Variants in UGT1A9 observed in about 807,000 individuals in gnomAD.
UGT1A9 encodes the protein UDP-glucuronosyltransferase 1A9.
Under a neutral mutation model 45.0 loss-of-function variants are expected in UGT1A9, and 35 were observed. That is an observed-to-expected ratio of 0.78 (90% CI 0.59 to 1.03). The LOEUF (loss-of-function observed/expected upper bound fraction) is 1.03. Among genes scored for constraint, UGT1A9 ranks in the 50% least tolerant of loss-of-function variants. The probability of loss-of-function intolerance (pLI) is 0.00; values close to 1 mark genes in which losing one functional copy is unlikely to be tolerated. For missense variants in UGT1A9, 687 were observed against 666.6 expected (o/e 1.03, Z -0.34); for synonymous variants, 278 against 250.6 (o/e 1.11, Z -1.03).
At chr2:233,729,624 G>A (rs563451648) in intron 1 of UGT1A9, 25 of 1,613,906 alleles carry the variant, frequency 1.5e-5, no homozygotes, top group African/African-American at 6.7e-5. Context: ...AGTACCTGTC[G>A]ATTCCTACTG....
chr2:233,754,448 T>G (rs1695488368), intron 1 of UGT1A9: 3 of 350,316 alleles, frequency 8.6e-6, no homozygotes, highest in Non-Finnish European at 1.7e-5. Flanking sequence ...TATAAATTCT[T>G]GGGTACAGCT....
At chr2:233,696,010 C>A (rs1247688377) in intron 1 of UGT1A9, among the ~76,000 whole-genome samples, 1 of 152,132 alleles carries the variant, frequency 6.6e-6, no homozygotes, top group Non-Finnish European at 1.5e-5. Context: ...TCAGGTCCCA[C>A]AGACATGGGG....
chr2:233,677,143 C>T (rs1435832466), intron 1 of UGT1A9, among the ~76,000 whole-genome samples: 1 of 152,142 alleles, frequency 6.6e-6, no homozygotes, highest in Non-Finnish European at 1.5e-5. Flanking sequence ...GGAGAAACAA[C>T]ATCTTAGCAA....
chr2:233,744,585 T>G (rs560652902), intron 1 of UGT1A9, among the ~76,000 whole-genome samples: 1 of 151,910 alleles, frequency 6.6e-6, no homozygotes, highest in Non-Finnish European at 1.5e-5. Context: ...CGTTTTACAG[T>G]TTTTGCATCT....
intron 1 of UGT1A9, among the ~76,000 whole-genome samples, chr2:233,749,893 C>A (rs141027223): frequency 6.6e-5 from 10 of 151,938 alleles, no homozygotes; most frequent in Non-Finnish European, 1.2e-4. Context: ...GAGGCTCCCC[C>A]CTCCAGCCAC....
intron 1 of UGT1A9, among the ~76,000 whole-genome samples, chr2:233,764,949 G>A (rs1698700873): frequency 6.6e-6 from 1 of 152,108 alleles, no homozygotes. Context: ...GGCGGGGAGA[G>A]AGGGCTCACC....
intron 1 of UGT1A9, among the ~76,000 whole-genome samples, chr2:233,761,349 C>T (rs963345880): frequency 6.6e-6 from 1 of 152,178 alleles, no homozygotes; most frequent in African/African-American, 2.4e-5. Flanking sequence ...TCTGAGATTT[C>T]GGGAAAGCAT....
At chr2:233,682,486 C>T (rs1167766704) in intron 1 of UGT1A9, 9 of 1,613,932 alleles carry the variant, frequency 5.6e-6, no homozygotes, top group Admixed American at 1.7e-5. Flanking sequence ...GTGCACAGTG[C>T]CCTGCTCCTC....
chr2:233,757,539 T>TATATACATATACATATATAC (rs762018928), intron 1 of UGT1A9, among the ~76,000 whole-genome samples: 1 of 115,748 alleles, frequency 8.6e-6, no homozygotes, highest in African/African-American at 3.8e-5. Flanking sequence ...GTAAGGAATA[T>TATATACATATACATATATAC]ATATATATAT....
chr2:233,742,421 C>T (rs114948883), intron 1 of UGT1A9, among the ~76,000 whole-genome samples: 5,160 of 152,060 alleles, frequency 0.034, 167 homozygotes, highest in African/African-American at 0.052. Context: ...ACACCTTAAG[C>T]GGTTTTCCTC....
At chr2:233,739,662 G>A (rs1426546706) in intron 1 of UGT1A9, among the ~76,000 whole-genome samples, 1 of 152,182 alleles carries the variant, frequency 6.6e-6, no homozygotes, top group African/African-American at 2.4e-5. Context: ...TACCCCCATT[G>A]TGTCTTGGAA....
chr2:233,757,270 C>T (rs1464122204), intron 1 of UGT1A9, among the ~76,000 whole-genome samples: 2 of 102,654 alleles, frequency 1.9e-5, no homozygotes, highest in African/African-American at 7.7e-5. Context: ...GCAGCCGATG[C>T]AATGATTCAG....
chr2:233,693,595 A>G (rs200043339), intron 1 of UGT1A9: 17 of 1,614,104 alleles, frequency 1.1e-5, no homozygotes, highest in Non-Finnish European at 1.4e-5. Flanking sequence ...GGTGCTACAC[A>G]AAGTTTTCAG....
intron 1 of UGT1A9, chr2:233,682,084 C>T (rs1387851002): frequency 1.9e-6 from 3 of 1,614,096 alleles, no homozygotes; most frequent in Non-Finnish European, 8.5e-7. Context: ...AGAAACTCAT[C>T]CTCAGGGGGC....
At chr2:233,724,932 T>A (rs1473409991) in intron 1 of UGT1A9, among the ~76,000 whole-genome samples, 3 of 142,946 alleles carry the variant, frequency 2.1e-5, no homozygotes, top group African/African-American at 8.1e-5. Flanking sequence ...TGAACGAGAC[T>A]CCGTCTGCAA....
Position 233,755,064 on chromosome 2 carries a change from C to T in UGT1A9, c.856-11970C>T, listed in dbSNP as rs570313254. ...GCAGCCGCCCTCCGCCCTCGCCTCGCCATAGCGGTCATAGATATCGCGTTT... is the reference window on the plus strand; with the variant it reads ...GCAGCCGCCCTCCGCCCTCGCCTCGTCATAGCGGTCATAGATATCGCGTTT... On this transcript the variant is annotated intron_variant, in intron 1 of 4. Coordinates refer to ENST00000354728, the MANE Select transcript of UGT1A9 (RefSeq NM_021027.3). 1.3e-5 allele frequency: 17 copies of T among 1,335,842 alleles called. No homozygotes were observed. In the East Asian group the frequency reaches 3.2e-4, roughly 25 times the overall value. The allele number at this position is 1,335,842 out of a possible 1,614,324, so 82.7% of individuals were successfully genotyped here.
At chr2:233,747,871 T>G (rs12466997) in intron 1 of UGT1A9, 2 of 1,613,304 alleles carry the variant, frequency 1.2e-6, no homozygotes, top group Non-Finnish European at 1.7e-6. Flanking sequence ...CCTCTGGCCC[T>G]GTCCTACCTT....
In UGT1A9 at chr2:233,672,386, A is replaced by G. The variant is rs1575416023; in HGVS notation, c.452A>G (p.Asp151Gly). 2.5e-6 allele frequency: 4 copies of G among 1,614,110 alleles called. No homozygotes were observed. Among genetic ancestry groups the G allele is most frequent in the Admixed American group, 1.7e-5 (1 of 60,008 alleles). Residue 151 changes from aspartate to glycine, a missense_variant, in exon 1 of 5, where the codon GAT becomes GGT. Coordinates refer to ENST00000354728, the MANE Select transcript of UGT1A9 (RefSeq NM_021027.3). ...GATGCAGTGTTTCTCGATCCTTTTG[A>G]TAACTGTGGCTTAATTGTTGCCAAA... ...SFDAVFLDPFDNCGLIVAKYF... is the reference protein window; with the variant it reads ...SFDAVFLDPFGNCGLIVAKYF...
chr2:233,771,872 A>G (rs1206206288), intron 4 of UGT1A9, among the ~76,000 whole-genome samples: 1 of 140,570 alleles, frequency 7.1e-6, no homozygotes, highest in East Asian at 2.2e-4. Flanking sequence ...AACATTTATT[A>G]AGAATAAGTT....
Sources: allele counts gnomAD v4.1 joint callset (sites outside exome capture counted in the v4.1 genomes callset), GRCh38; gene constraint gnomAD v4.1.1; transcripts MANE v1.5; gene names NCBI Gene and HGNC (gene_info 2026-07-23, HGNC 2026-07-21).